The following P3H2 variants were observed in gnomAD, a reference collection of about 807,000 sequenced individuals.
The protein encoded by P3H2 is prolyl 3-hydroxylase 2, also known as leprecan-like 1.
In P3H2, 80 loss-of-function variants were observed where a neutral mutation model predicts 87.0. That is an observed-to-expected ratio of 0.92 (90% CI 0.77 to 1.11). P3H2 has a LOEUF of 1.11. Among genes scored for constraint, P3H2 ranks in the 50% least tolerant of loss-of-function variants. The pLI is 0.00. For synonymous variants in P3H2, 367 were observed against 359.3 expected (o/e 1.02, Z -0.24); for missense variants, 1,001 against 923.9 (o/e 1.08, Z -1.08).
chr3:189,970,958 G>A (rs1723161031), intron 12 of P3H2, 67 bp from the exon 13 acceptor site: 3 of 885,928 alleles, frequency 3.4e-6, no homozygotes, highest in Non-Finnish European at 5.8e-6. Flanking sequence ...ATAGAATACT[G>A]AAGACTGGTG....
chr3:190,120,472 T>G lies in P3H2; in HGVS notation c.260A>C (p.His87Pro). 7.1e-7 allele frequency: 1 copy of G among 1,418,188 alleles called. No individual in the cohort carries two copies. Among genetic ancestry groups the G allele is most frequent in the Non-Finnish European group, 9.1e-7 (1 of 1,095,554 alleles). 87.9% of individuals were successfully genotyped at this position (1,418,188 alleles called of 1,614,324 possible). Residue 87 changes from histidine to proline, a missense_variant, in exon 1 of 15, where the codon CAC becomes CCC. Transcript: ENST00000319332. ...CGGGAGCGGGTGGCGCGCCGCGCAG[T>G]GGCGGGCACAGCGCGTGCGGATTTC... The part of the protein sequence containing the change: ...LREIRTRCAR[H>P]CAARHPLPPP...
intron 1 of P3H2, among the ~76,000 whole-genome samples, chr3:190,095,854 G>A (rs903334194): frequency 1.3e-4 from 19 of 151,906 alleles, no homozygotes; most frequent in African/African-American, 4.4e-4. Flanking sequence ...CGCCCACCTC[G>A]GCCTCCCAAA....
intron 1 of P3H2, among the ~76,000 whole-genome samples, chr3:190,111,973 G>A (rs1712085832): frequency 6.6e-6 from 1 of 152,240 alleles, no homozygotes; most frequent in Non-Finnish European, 1.5e-5. Flanking sequence ...CTAGGGTTAA[G>A]TCACTTTATC....
intron 9 of P3H2, chr3:189,974,299 A>C (rs1162600724): frequency 3.3e-6 from 2 of 600,904 alleles, no homozygotes; most frequent in Non-Finnish European, 5.8e-6. Flanking sequence ...CAGCAACTTT[A>C]TATGATAGGC....
chr3:190,054,496 C>CA (rs1018236019), intron 1 of P3H2, among the ~76,000 whole-genome samples: 1 of 152,010 alleles, frequency 6.6e-6, no homozygotes, highest in African/African-American at 2.4e-5. Flanking sequence ...AGCTGTTTGA[C>CA]ACTAGGATCT....
intron 1 of P3H2, among the ~76,000 whole-genome samples, chr3:190,049,683 G>A (rs1403417): frequency 0.26 from 40,008 of 151,814 alleles, 5,496 homozygotes; most frequent in East Asian, 0.42. Flanking sequence ...ACCCACCCTC[G>A]GCTACATAGA....
At chr3:190,022,984 G>T (rs917111749) in intron 1 of P3H2, among the ~76,000 whole-genome samples, 1 of 151,852 alleles carries the variant, frequency 6.6e-6, no homozygotes, top group Non-Finnish European at 1.5e-5. Flanking sequence ...CCACCACCAC[G>T]CCTGGCTAAT....
At chr3:189,976,971 C>T (rs577533942) in intron 8 of P3H2, among the ~76,000 whole-genome samples, 2 of 152,120 alleles carry the variant, frequency 1.3e-5, no homozygotes, top group African/African-American at 2.4e-5. Context: ...GATAAGAGGA[C>T]GTCTCAGAAC....
intron 1 of P3H2, among the ~76,000 whole-genome samples, chr3:190,099,495 G>A (rs710587): frequency 0.45 from 68,155 of 152,012 alleles, 18,486 homozygotes; most frequent in African/African-American, 0.77. Flanking sequence ...TTTATCAGCA[G>A]AAACTTCTTG....
At chr3:189,982,213 T>C (rs7615557) in intron 8 of P3H2, among the ~76,000 whole-genome samples, 2,091 of 152,320 alleles carry the variant, frequency 0.014, 42 homozygotes, top group African/African-American at 0.048. Flanking sequence ...GTTCAACCTG[T>C]TCTGAGCTTC....
chr3:189,998,642 A>G (rs1301427808), intron 1 of P3H2, among the ~76,000 whole-genome samples: 2 of 152,152 alleles, frequency 1.3e-5, no homozygotes, highest in Non-Finnish European at 2.9e-5. Flanking sequence ...TTTTCTACCT[A>G]TTTACATACA....
chr3:190,115,291 A>G (rs1365311379), intron 1 of P3H2, among the ~76,000 whole-genome samples: 1 of 152,212 alleles, frequency 6.6e-6, no homozygotes, highest in Non-Finnish European at 1.5e-5. Flanking sequence ...AATCCTAAGA[A>G]GAAAAACAAA....
intron 1 of P3H2, among the ~76,000 whole-genome samples, chr3:190,015,693 G>T (rs1285447497): frequency 1.3e-5 from 2 of 151,766 alleles, no homozygotes; most frequent in African/African-American, 4.8e-5. Context: ...CAGCATCATT[G>T]CACTCAGCCT....
intron 1 of P3H2, among the ~76,000 whole-genome samples, chr3:190,024,244 C>T (rs890572909): frequency 4.6e-5 from 7 of 151,872 alleles, no homozygotes; most frequent in African/African-American, 9.7e-5. Context: ...TTACTATTTA[C>T]GACAGATGGA....
At chr3:190,117,743 T>C (rs1433908305) in intron 1 of P3H2, among the ~76,000 whole-genome samples, 1 of 84,490 alleles carries the variant, frequency 1.2e-5, no homozygotes, top group East Asian at 3.3e-4. Flanking sequence ...GGGGCTTTCT[T>C]GGGGGCTGGG....
At chr3:190,088,898 C>T (rs1279914080) in intron 1 of P3H2, among the ~76,000 whole-genome samples, 3 of 152,106 alleles carry the variant, frequency 2.0e-5, no homozygotes, top group Non-Finnish European at 4.4e-5. Context: ...ATAGCGTGTT[C>T]GACCCCTACC....
intron 1 of P3H2, among the ~76,000 whole-genome samples, chr3:190,029,152 A>ACTC (rs2108946025): frequency 6.6e-6 from 1 of 152,324 alleles, no homozygotes; most frequent in Non-Finnish European, 1.5e-5. Flanking sequence ...GTTAGTATTT[A>ACTC]TTAAGTGTCC....
intron 14 of P3H2, among the ~76,000 whole-genome samples, chr3:189,961,203 A>T (rs1340457604): frequency 1.3e-5 from 2 of 152,188 alleles, no homozygotes; most frequent in Non-Finnish European, 2.9e-5. Context: ...GGCCTCCCCA[A>T]GTGCTAGGAT....
At chr3:189,997,879 A>G (rs1368774172) in intron 1 of P3H2, among the ~76,000 whole-genome samples, 1 of 152,236 alleles carries the variant, frequency 6.6e-6, no homozygotes, top group Non-Finnish European at 1.5e-5. Context: ...ATAGGTATAA[A>G]GAATGGGTTC....
Sources: allele counts gnomAD v4.1 joint callset (sites outside exome capture counted in the v4.1 genomes callset), GRCh38; gene constraint gnomAD v4.1.1; transcripts MANE v1.5; gene names NCBI Gene and HGNC (gene_info 2026-07-23, HGNC 2026-07-21).